HMCES: variants seen among roughly 807,000 people sequenced by gnomAD.
HMCES encodes abasic site processing protein HMCES.
A neutral mutation model predicts 35.1 loss-of-function variants in HMCES; 27 were observed. That is an observed-to-expected ratio of 0.77 (90% CI 0.57 to 1.06). The LOEUF is 1.06. Ranked by LOEUF, HMCES falls within the 50% of genes least tolerant of loss-of-function variation. HMCES has a pLI of 0.00. For missense variants in HMCES, 391 were observed against 430.4 expected, an observed-to-expected ratio of 0.91 and a Z score of 0.81; for synonymous variants, 130 against 154.7, an observed-to-expected ratio of 0.84 and a Z score of 1.18.
intron 5 of HMCES, among the ~76,000 whole-genome samples, 174 bp from the exon 6 acceptor site, chr3:129,301,776 G>A (rs1269409661): frequency 6.6e-6 from 1 of 152,168 alleles, no homozygotes. Flanking sequence ...GTTGAATCTG[G>A]TGCCCTGTCA....
At chr3:129,287,998 A>G (rs1254298670) in intron 2 of HMCES, among the ~76,000 whole-genome samples, 2 of 152,226 alleles carry the variant, frequency 1.3e-5, no homozygotes, top group Non-Finnish European at 2.9e-5. Context: ...CAGAGGTTGC[A>G]ATGAGCCAAG....
chr3:129,299,261 G>GT (rs2071131347), intron 5 of HMCES, among the ~76,000 whole-genome samples: 2 of 152,214 alleles, frequency 1.3e-5, no homozygotes, highest in South Asian at 4.1e-4. Flanking sequence ...CATCTCATGA[G>GT]TTATTGTGAA....
intron 2 of HMCES, among the ~76,000 whole-genome samples, chr3:129,283,728 G>T (rs1940560446): frequency 2.0e-5 from 3 of 152,152 alleles, no homozygotes. Flanking sequence ...TACCTGGGAG[G>T]CTGAGGCAGG....
At chr3:129,301,832 A>C (rs973906859) in intron 5 of HMCES, 118 bp from the exon 6 acceptor site, 5 of 811,412 alleles carry the variant, frequency 6.2e-6, no homozygotes, top group Admixed American at 2.3e-5. Context: ...TGTGAGGCGC[A>C]GAGGGAGGGC....
chr3:129,296,116 A>G (rs538378956), intron 4 of HMCES, among the ~76,000 whole-genome samples: 8 of 152,084 alleles, frequency 5.3e-5, no homozygotes, highest in African/African-American at 1.9e-4. Flanking sequence ...GCTGGAGTAC[A>G]GTGGTGCAAT....
intron 4 of HMCES, among the ~76,000 whole-genome samples, chr3:129,297,971 G>C (rs2071114004): frequency 6.6e-6 from 1 of 152,194 alleles, no homozygotes; most frequent in Non-Finnish European, 1.5e-5. Context: ...TTAAGAAAGG[G>C]TGGGAAGGAC....
At chr3:129,280,321 G>A (rs1018309048) in intron 2 of HMCES, among the ~76,000 whole-genome samples, 3 of 152,074 alleles carry the variant, frequency 2.0e-5, no homozygotes, top group African/African-American at 7.2e-5. Context: ...CGAGGTGGGA[G>A]GATCACTTGA....
chr3:129,281,576 A>T (rs1426191753), intron 2 of HMCES, among the ~76,000 whole-genome samples: 1 of 152,176 alleles, frequency 6.6e-6, no homozygotes, highest in Non-Finnish European at 1.5e-5. Flanking sequence ...CTGTAATCTC[A>T]GCTACTTGGG....
intron 4 of HMCES, among the ~76,000 whole-genome samples, chr3:129,295,364 G>C (rs2071079754): frequency 6.7e-6 from 1 of 149,100 alleles, no homozygotes; most frequent in Non-Finnish European, 1.5e-5. Context: ...TTGAGCTTAG[G>C]AGGTCGAAGT....
chr3:129,281,921 A>G (rs1940501926), intron 2 of HMCES, among the ~76,000 whole-genome samples: 2 of 137,418 alleles, frequency 1.5e-5, no homozygotes. Context: ...AGCAAGACTC[A>G]GTCTCAAAAA....
intron 4 of HMCES, 48 bp from the exon 5 acceptor site, chr3:129,298,303 TAGA>T (rs749259388): frequency 8.4e-6 from 13 of 1,542,360 alleles, no homozygotes; most frequent in South Asian, 7.8e-5. Context: ...AACCTGCATG[TAGA>T]AGAAGTCTGC....
intron 2 of HMCES, among the ~76,000 whole-genome samples, 197 bp downstream of exon 2, chr3:129,280,112 A>G (rs1234283454): frequency 6.6e-6 from 1 of 152,136 alleles, no homozygotes; most frequent in Non-Finnish European, 1.5e-5. Flanking sequence ...ATAAAGACGT[A>G]TTTTTCAGGC....
chr3:129,290,815 C>T lies in HMCES; in HGVS notation c.453+11C>T, dbSNP rs752630583. ...ATCAAGACAGAGAAGGTATCATTAT[C>T]AGCATTCACAATATATATTTGGAAA... is the stretch of plus-strand genomic sequence containing the variant. On this transcript the variant is annotated intron_variant, in intron 4 of 6. Coordinates refer to ENST00000383463, the MANE Select transcript of HMCES (RefSeq NM_020187.3). 5 of 1,609,396 alleles carry T rather than the reference C, an allele frequency of 3.1e-6. No individual in the cohort carries two copies. The highest frequency in any genetic ancestry group is 3.4e-6 in the Non-Finnish European group (4 of 1,176,416).
intron 4 of HMCES, among the ~76,000 whole-genome samples, chr3:129,297,759 G>A (rs968271646): frequency 2.0e-5 from 3 of 152,124 alleles, no homozygotes; most frequent in African/African-American, 4.8e-5. Flanking sequence ...TTGCCCCTTG[G>A]AGGACCTTGT....
At chr3:129,298,785 A>G (rs1295234056) in intron 5 of HMCES, among the ~76,000 whole-genome samples, 1 of 152,178 alleles carries the variant, frequency 6.6e-6, no homozygotes, top group Non-Finnish European at 1.5e-5. Context: ...TGACACATTA[A>G]AAAAATAATG....
Position 129,304,623 on chromosome 3 carries a change from T to C in HMCES, c.863T>C (p.Leu288Ser), listed in dbSNP as rs766851499. The C allele has an allele frequency of 6.2e-7, 1 of 1,614,176 alleles. No individual in the cohort carries two copies. Among genetic ancestry groups the C allele is most frequent in the Admixed American group, 1.7e-5 (1 of 60,022 alleles). ...LRASGSSQRMLQWLATKSPKK... is the reference protein window; with the variant it reads ...LRASGSSQRMSQWLATKSPKK... ...GCAAGTGGCAGTAGCCAGAGGATGTTGCAGTGGTTGGCCACAAAGTCACCC... is the reference window on the plus strand; with the variant it reads ...GCAAGTGGCAGTAGCCAGAGGATGTCGCAGTGGTTGGCCACAAAGTCACCC... The change falls in exon 7 of 7, where the codon TTG becomes TCG. Residue 288 changes from leucine (L) to serine (S), a missense_variant. By Grantham distance (145) the Leu-to-Ser change is moderately radical. Transcript: ENST00000383463.
chr3:129,282,615 A>G (rs920122650), intron 2 of HMCES, among the ~76,000 whole-genome samples: 3 of 152,222 alleles, frequency 2.0e-5, no homozygotes, highest in Non-Finnish European at 2.9e-5. Context: ...TAAGATTGCT[A>G]TGGTTTCTTA....
intron 5 of HMCES, among the ~76,000 whole-genome samples, chr3:129,299,648 C>CTT (rs34382705): frequency 0.012 from 1,309 of 110,094 alleles, 33 homozygotes; most frequent in Non-Finnish European, 0.018. Context: ...ATAGGTGCTT[C>CTT]TTTTTTTTTT....
In HMCES at chr3:129,288,890, C is replaced by T. The variant is rs754279082; in HGVS notation, c.220C>T (p.Arg74Cys). The change falls in exon 3 of 7, where the codon CGC (arginine) becomes TGC (cysteine). Residue 74 changes from arginine (R) to cysteine (C), a missense_variant. Coordinates refer to ENST00000383463, the MANE Select transcript of HMCES (RefSeq NM_020187.3). ...DSSERIIAPM[R>C]WGLVPSWFKE... ...ATCTGAGCGTATCATTGCTCCCATG[C>T]GCTGGGGCTTGGTCCCTTCTTGGTT... 18 of 1,591,712 alleles carry T rather than the reference C, an allele frequency of 1.1e-5. No homozygotes were observed. Among genetic ancestry groups the T allele is most frequent in the Middle Eastern group, 1.7e-4 (1 of 5,994 alleles).
Sources: gnomAD v4.1 joint callset for allele counts (sites outside exome capture counted in the v4.1 genomes callset) on GRCh38, gnomAD v4.1.1 for gene constraint, MANE v1.5 for transcripts, NCBI Gene and HGNC (gene_info 2026-07-23, HGNC 2026-07-21) for gene names.